Variants in ARID1B observed in about 807,000 individuals in gnomAD.
ARID1B encodes the protein AT-rich interactive domain-containing protein 1B.
ARID1B carries 30 observed loss-of-function variants against 212.3 expected under a neutral mutation model. The ratio of observed to expected loss-of-function variants is 0.14; its 90% CI spans 0.11 to 0.19. The LOEUF (loss-of-function observed/expected upper bound fraction) is 0.19. Ranked by LOEUF, ARID1B falls within the 10% of genes least tolerant of loss-of-function variation. The pLI is 1.00. For missense variants in ARID1B, 2,891 were observed against 3,204.0 expected (o/e 0.90, Z 2.36); for synonymous variants, 1,402 against 1,301.7 (o/e 1.08, Z -1.66).
chr6:157,090,973 G>T (rs1342667384), intron 5 of ARID1B, among the ~76,000 whole-genome samples: 1 of 152,268 alleles, frequency 6.6e-6, no homozygotes, highest in African/African-American at 2.4e-5. Context: ...CCCGCCTGGG[G>T]TAGCCTCTTC....
At chr6:157,054,379 C>T (rs1376417556) in intron 4 of ARID1B, among the ~76,000 whole-genome samples, 2 of 152,098 alleles carry the variant, frequency 1.3e-5, no homozygotes, top group Non-Finnish European at 2.9e-5. Context: ...GTTCTTACTG[C>T]CCAATTAAAT....
chr6:157,186,577 G>A (rs745945277), intron 13 of ARID1B: 1 of 468,170 alleles, frequency 2.1e-6, no homozygotes. Context: ...AAAGTGTCTG[G>A]AAACATTTTT....
chr6:157,000,697 T>A (rs1338888949), intron 4 of ARID1B, among the ~76,000 whole-genome samples: 4 of 7,906 alleles, frequency 5.1e-4, no homozygotes, highest in Admixed American at 1.7e-3. Context: ...CTAATTATTC[T>A]TTTTTTTTTT....
In ARID1B at chr6:157,167,426, A is replaced by G. The variant is rs540870163; in HGVS notation, c.3235+241A>G. ...TTGTATAACAAGTGGACATATTTCA[A>G]GTATTATTGGAGATTGTTAAATATG... On this transcript the variant is annotated intron_variant, in intron 9 of 19. Transcript: ENST00000636930. 8.5e-4 allele frequency: 313 copies of G among 369,898 alleles called. 1 individual carries two copies. Among genetic ancestry groups the G allele is most frequent in the African/African-American group, 6.1e-3 (290 of 47,900 alleles). The allele number at this position is 369,898 out of a possible 1,614,324, so 22.9% of individuals were successfully genotyped here. A position where few individuals can be genotyped will look rare whatever the true frequency, so the allele number is the denominator to read the frequency against.
intron 2 of ARID1B, among the ~76,000 whole-genome samples, chr6:156,847,492 G>A (rs114352884): frequency 0.011 from 1,724 of 152,308 alleles, 30 homozygotes; most frequent in African/African-American, 0.039. Flanking sequence ...CCATCCAGAG[G>A]CAAAATGAGG....
At chr6:156,849,837 T>C (rs1784467373) in intron 2 of ARID1B, among the ~76,000 whole-genome samples, 1 of 152,092 alleles carries the variant, frequency 6.6e-6, no homozygotes, top group Non-Finnish European at 1.5e-5. Flanking sequence ...TCATTGGCCC[T>C]GACACTGATT....
At chr6:156,881,959 T>A (rs115113999) in intron 2 of ARID1B, among the ~76,000 whole-genome samples, 1,858 of 152,322 alleles carry the variant, frequency 0.012, 48 homozygotes, top group African/African-American at 0.043. Context: ...TACTTCTGCT[T>A]TAAAATAAAA....
At chr6:156,849,833 G>C (rs1272445663) in intron 2 of ARID1B, among the ~76,000 whole-genome samples, 2 of 151,990 alleles carry the variant, frequency 1.3e-5, no homozygotes, top group Non-Finnish European at 2.9e-5. Context: ...CGTGTCATTG[G>C]CCCTGACACT....
At chr6:156,805,141 C>T (rs919290477) in intron 1 of ARID1B, among the ~76,000 whole-genome samples, 5 of 152,218 alleles carry the variant, frequency 3.3e-5, no homozygotes, top group Non-Finnish European at 1.5e-5. Context: ...ACAGGCCTCT[C>T]TCAGCTTACT....
intron 4 of ARID1B, among the ~76,000 whole-genome samples, chr6:156,967,518 AGAG>A (rs1385954390): frequency 1.3e-5 from 2 of 151,820 alleles, no homozygotes; most frequent in Non-Finnish European, 2.9e-5. Context: ...GAGTGAGAGA[AGAG>A]GAGGAGGGAG....
chr6:157,168,495 T>C (rs781069747), intron 9 of ARID1B: 1 of 152,188 alleles, frequency 6.6e-6, no homozygotes, highest in Non-Finnish European at 1.5e-5. Flanking sequence ...TAACAGAATA[T>C]TGGGTTGTGA....
chr6:157,125,366 G>C (rs1284934307), intron 6 of ARID1B, among the ~76,000 whole-genome samples: 1 of 152,212 alleles, frequency 6.6e-6, no homozygotes, highest in African/African-American at 2.4e-5. Flanking sequence ...TTTCTTGACA[G>C]TTGGTAGCTG....
At chr6:156,958,392 G>T (rs949398305) in intron 4 of ARID1B, among the ~76,000 whole-genome samples, 14 of 152,210 alleles carry the variant, frequency 9.2e-5, no homozygotes, top group Admixed American at 5.9e-4. Flanking sequence ...AGATGGTTGA[G>T]TTATATTGCT....
At chr6:156,981,677 G>C (rs1277839693) in intron 4 of ARID1B, among the ~76,000 whole-genome samples, 1 of 152,122 alleles carries the variant, frequency 6.6e-6, no homozygotes, top group Non-Finnish European at 1.5e-5. Flanking sequence ...TTTTGGTTAA[G>C]ACTGCATTAC....
At chr6:156,956,815 A>G (rs926673699) in intron 4 of ARID1B, among the ~76,000 whole-genome samples, 1 of 152,208 alleles carries the variant, frequency 6.6e-6, no homozygotes, top group Non-Finnish European at 1.5e-5. Flanking sequence ...GCCACTTGCC[A>G]TATATTGTTA....
Position 157,148,473 on chromosome 6 carries a change from A to G in ARID1B, c.2762-151A>G. 1 of 821,566 alleles carries G rather than the reference A, an allele frequency of 1.2e-6. No homozygotes were observed. The highest frequency in any genetic ancestry group is 2.7e-5 in the East Asian group (1 of 37,052). 50.9% of individuals were successfully genotyped at this position (821,566 alleles called of 1,614,324 possible). A position where few individuals can be genotyped will look rare whatever the true frequency, so the allele number is the denominator to read the frequency against. ...AGTGTGCAGAGAGAGCATGTTTGAG[A>G]CTGGCAGCTGCACCAGCAGCAACAG... On this transcript the variant is annotated intron_variant, in intron 7 of 19. Coordinates refer to ENST00000636930, the MANE Select transcript of ARID1B (RefSeq NM_001374828.1). The surrounding 1 kb of genome is among the most constrained non-coding windows in gnomAD (Gnocchi z 5.6).
chr6:156,968,149 T>C (rs1794900893), intron 4 of ARID1B, among the ~76,000 whole-genome samples: 1 of 152,246 alleles, frequency 6.6e-6, no homozygotes, highest in Admixed American at 6.5e-5. Flanking sequence ...ACCTGGACTC[T>C]TAACGCCTCA....
intron 4 of ARID1B, among the ~76,000 whole-genome samples, chr6:157,018,136 TAAAAG>T (rs898967180): frequency 7.3e-6 from 1 of 137,052 alleles, no homozygotes; most frequent in African/African-American, 2.7e-5. Context: ...TGTCTCTAAA[TAAAAG>T]TAAAGTAATA....
intron 4 of ARID1B, among the ~76,000 whole-genome samples, chr6:157,043,201 C>T (rs1782003579): frequency 6.6e-6 from 1 of 152,124 alleles, no homozygotes; most frequent in Non-Finnish European, 1.5e-5. Context: ...TTAAATATCC[C>T]ATGCCCTTTG....
Sources: gnomAD v4.1 joint callset for allele counts (sites outside exome capture counted in the v4.1 genomes callset) on GRCh38, gnomAD v4.1.1 for gene constraint, Gnocchi (gnomAD v3.1) non-coding constraint, MANE v1.5 for transcripts, NCBI Gene and HGNC (gene_info 2026-07-23, HGNC 2026-07-21) for gene names.